Variants in SLC9C1 observed in about 807,000 individuals in gnomAD.
SLC9C1 encodes sodium/hydrogen exchanger 10.
Under a neutral mutation model 140.9 loss-of-function variants are expected in SLC9C1, and 97 were observed. That is an observed-to-expected ratio of 0.69 (90% CI 0.58 to 0.82). SLC9C1 has a LOEUF of 0.82. Among genes scored for constraint, SLC9C1 ranks in the 40% least tolerant of loss-of-function variants. The probability of loss-of-function intolerance (pLI) is 0.00; values close to 1 mark genes in which losing one functional copy is unlikely to be tolerated. For missense variants in SLC9C1, 1,340 were observed against 1,389.3 expected (o/e 0.96, Z 0.56); for synonymous variants, 440 against 442.6 (o/e 0.99, Z 0.07).
At chr3:112,222,604 G>A (rs1159901358) in intron 13 of SLC9C1, among the ~76,000 whole-genome samples, 1 of 152,108 alleles carries the variant, frequency 6.6e-6, no homozygotes, top group Non-Finnish European at 1.5e-5. Context: ...TTTATAGATT[G>A]GGAGAATGGA....
chr3:112,287,095 T>G (rs2080530561), intron 1 of SLC9C1, among the ~76,000 whole-genome samples: 1 of 152,224 alleles, frequency 6.6e-6, no homozygotes, highest in Non-Finnish European at 1.5e-5. Context: ...TTACTTACAA[T>G]GCCAAGCACT....
At chr3:112,223,222 C>T (rs2078589509) in intron 13 of SLC9C1, among the ~76,000 whole-genome samples, 1 of 152,130 alleles carries the variant, frequency 6.6e-6, no homozygotes. Context: ...TCTGTAGCCC[C>T]AGCTACTCTG....
At chr3:112,264,454 A>G in intron 8 of SLC9C1, 111 bp from the exon 9 acceptor site, 1 of 486,252 alleles carries the variant, frequency 2.1e-6, no homozygotes, top group Non-Finnish European at 3.2e-6. Flanking sequence ...AAAATGAATA[A>G]AACATTTACA....
At chr3:112,173,397 A>G (rs1010551188) in intron 23 of SLC9C1, among the ~76,000 whole-genome samples, 1 of 151,770 alleles carries the variant, frequency 6.6e-6, no homozygotes, top group Non-Finnish European at 1.5e-5. Context: ...ATAATGGTAC[A>G]TGATAAGTAG....
chr3:112,210,899 G>A (rs1267341959), intron 15 of SLC9C1, among the ~76,000 whole-genome samples: 2 of 151,972 alleles, frequency 1.3e-5, no homozygotes, highest in Admixed American at 1.3e-4. Context: ...AAATTAAAAG[G>A]ATGCAGCTAA....
rs372858697 is a variant in SLC9C1, at chr3:112,211,744, G to A, written c.1791-3371C>T. 2.2e-4 allele frequency among the ~76,000 whole-genome samples: 34 copies of A among 152,332 alleles called. 1 individual carries two copies. In the East Asian group the frequency reaches 5.4e-3, roughly 24 times the overall value. Reference sequence around the variant, plus strand: ...TGGGTGGAGCCCACTGCAGCTCAAGGAGGCCTGCCTTCCTCTGTAGACTCC... The same window carrying A: ...TGGGTGGAGCCCACTGCAGCTCAAGAAGGCCTGCCTTCCTCTGTAGACTCC... On this transcript the variant is annotated intron_variant, in intron 15 of 28. Coordinates refer to ENST00000305815, the MANE Select transcript of SLC9C1 (RefSeq NM_183061.3).
At chr3:112,151,992 T>G in intron 27 of SLC9C1, 29 bp from the exon 28 acceptor site, 1 of 1,553,796 alleles carries the variant, frequency 6.4e-7, no homozygotes, top group South Asian at 1.2e-5. Context: ...TGTTACTTGA[T>G]GTCATGATAG....
intron 11 of SLC9C1, among the ~76,000 whole-genome samples, chr3:112,240,558 G>T (rs1156676585): frequency 6.6e-6 from 1 of 152,204 alleles, no homozygotes; most frequent in Non-Finnish European, 1.5e-5. Context: ...GTCTGAACAA[G>T]AGAGAATTTG....
intron 18 of SLC9C1, 112 bp from the exon 19 acceptor site, chr3:112,200,874 G>A: frequency 1.1e-6 from 1 of 923,760 alleles, no homozygotes. Context: ...AAGAGAAGTA[G>A]GATGAAGAGG....
At chr3:112,262,859 T>G in intron 10 of SLC9C1, 65 bp downstream of exon 10, 1 of 1,189,596 alleles carries the variant, frequency 8.4e-7, no homozygotes, top group Non-Finnish European at 1.1e-6. Flanking sequence ...CAAAAAAACA[T>G]ATATTTTAAA....
At chr3:112,256,548 G>A (rs561376288) in intron 10 of SLC9C1, among the ~76,000 whole-genome samples, 1 of 152,156 alleles carries the variant, frequency 6.6e-6, no homozygotes, top group South Asian at 2.1e-4. Context: ...AATCTACTAG[G>A]TATCGAAGGA....
chr3:112,239,700 C>T, intron 12 of SLC9C1, 140 bp downstream of exon 12: 1 of 861,528 alleles, frequency 1.2e-6, no homozygotes. Flanking sequence ...CCCCTTACTA[C>T]TTTGTTAAAT....
intron 5 of SLC9C1, among the ~76,000 whole-genome samples, chr3:112,275,249 G>A (rs2080183328): frequency 6.6e-6 from 1 of 152,024 alleles, no homozygotes; most frequent in African/African-American, 2.4e-5. Context: ...AAGCACAGAG[G>A]AAAACATGAA....
At chr3:112,155,200 G>A in intron 26 of SLC9C1, 151 bp from the exon 27 acceptor site, 1 of 589,158 alleles carries the variant, frequency 1.7e-6, no homozygotes, top group Non-Finnish European at 2.8e-6. Flanking sequence ...AAAAAAAAGG[G>A]TCACATTTAA....
chr3:112,226,402 T>C (rs1395403344), intron 13 of SLC9C1, among the ~76,000 whole-genome samples: 1 of 152,112 alleles, frequency 6.6e-6, no homozygotes, highest in Non-Finnish European at 1.5e-5. Context: ...GAGGGAAATT[T>C]ATAGTAATAA....
intron 2 of SLC9C1, among the ~76,000 whole-genome samples, chr3:112,283,972 A>G (rs2080433086): frequency 6.6e-6 from 1 of 152,186 alleles, no homozygotes; most frequent in South Asian, 2.1e-4. Flanking sequence ...CAAAGTGCAT[A>G]GTAGTGTTGC....
At chr3:112,239,339 G>C (rs6805681) in intron 12 of SLC9C1, among the ~76,000 whole-genome samples, 89,986 of 152,078 alleles carry the variant, frequency 0.59, 27,159 homozygotes, top group East Asian at 0.79. Context: ...CCCAATTTTC[G>C]AGGTGCCATC....
In SLC9C1 at chr3:112,286,687, G is replaced by A. The variant is rs748463598; in HGVS notation, c.88+17C>T. 1.1e-5 allele frequency: 17 copies of A among 1,584,942 alleles called. No individual in the cohort carries two copies. The highest frequency in any genetic ancestry group is 1.5e-5 in the Non-Finnish European group (17 of 1,166,840). ...TACCGGAAGAATAAACTCAGATAAA[G>A]AGAGAGTGATACTTACCTCCAATGG... On this transcript the variant is annotated intron_variant, in intron 2 of 28. Transcript: ENST00000305815.
rs180827210 is a variant in SLC9C1, at chr3:112,283,987, G to A, written c.88+2717C>T. On this transcript the variant is annotated intron_variant, in intron 2 of 28. Coordinates refer to ENST00000305815, the MANE Select transcript of SLC9C1 (RefSeq NM_183061.3). ...CAAAGTGCATAGTAGTGTTGCCTCC[G>A]CGACCCCAAGGATTAAACTCGTGAC... 1.8e-4 allele frequency among the ~76,000 whole-genome samples: 28 copies of A among 152,190 alleles called. No homozygotes were observed. The East Asian group carries it at 2.9e-3, about 16-fold the overall frequency.
Sources: allele counts gnomAD v4.1 joint callset (sites outside exome capture counted in the v4.1 genomes callset), GRCh38; gene constraint gnomAD v4.1.1; transcripts MANE v1.5; gene names NCBI Gene and HGNC (gene_info 2026-07-23, HGNC 2026-07-21).